Variants in SCN10A observed in about 807,000 individuals in gnomAD.
SCN10A encodes the protein sodium channel protein type 10 subunit alpha.
In SCN10A, 162 loss-of-function variants were observed where a neutral mutation model predicts 170.7. The observed-to-expected ratio is 0.95, with a 90% CI of 0.84 to 1.08. SCN10A has a LOEUF of 1.08. Ranked by LOEUF, SCN10A falls within the 50% of genes least tolerant of loss-of-function variation. SCN10A has a pLI of 0.00. For synonymous variants in SCN10A, 985 were observed against 904.6 expected (o/e 1.09, Z -1.59); for missense variants, 2,527 against 2,436.9 (o/e 1.04, Z -0.78).
intron 24 of SCN10A, 63 bp downstream of exon 24, chr3:38,710,781 G>T (rs2063264956): frequency 2.0e-6 from 3 of 1,495,110 alleles, no homozygotes; most frequent in Non-Finnish European, 2.8e-6. Context: ...CATTTCAAAT[G>T]CAGACTGATA....
At chr3:38,706,503 G>A (rs1171713825) in intron 26 of SCN10A, among the ~76,000 whole-genome samples, 4 of 152,122 alleles carry the variant, frequency 2.6e-5, no homozygotes, top group South Asian at 2.1e-4. Flanking sequence ...CTTTGAAGAC[G>A]ATCAACAATA....
At chr3:38,779,985 G>A (rs1314338156) in intron 4 of SCN10A, among the ~76,000 whole-genome samples, 2 of 151,762 alleles carry the variant, frequency 1.3e-5, no homozygotes, top group South Asian at 4.2e-4. Context: ...TATTGTTAGG[G>A]AAGGTAGTTT....
chr3:38,761,465 T>G, intron 6 of SCN10A, 82 bp from the exon 7 acceptor site: 1 of 1,236,870 alleles, frequency 8.1e-7, no homozygotes, highest in Non-Finnish European at 1.1e-6. Flanking sequence ...CCATCCTCCT[T>G]CATCTCTACA....
chr3:38,761,985 GA>G (rs1267801128), intron 6 of SCN10A, among the ~76,000 whole-genome samples: 1 of 152,152 alleles, frequency 6.6e-6, no homozygotes, highest in Non-Finnish European at 1.5e-5. Context: ...GAGACTATAA[GA>G]AACACTGAGA....
intron 24 of SCN10A, among the ~76,000 whole-genome samples, chr3:38,710,475 G>C (rs1559414696): frequency 6.6e-6 from 1 of 152,104 alleles, no homozygotes; most frequent in Non-Finnish European, 1.5e-5. Context: ...TTTTATGATA[G>C]TTCCTGAGAT....
intron 1 of SCN10A, among the ~76,000 whole-genome samples, chr3:38,794,891 A>T (rs2064328790): frequency 1.3e-5 from 2 of 152,156 alleles, no homozygotes; most frequent in Admixed American, 6.5e-5. Flanking sequence ...TGCCAACTTC[A>T]TACCATCAAA....
At position 38,761,324 on chromosome 3, in the gene SCN10A, T is replaced by C. The variant is rs2063868321; in HGVS notation, c.751A>G (p.Ile251Val). ...HSVKKLADVT[I>V]LTIFCLSVFA... Reference sequence around the variant, plus strand: ...ACACTTAGGCAGAAGATGGTGAGGATGGTCACATCAGCCAGTTTCTTCACT... The same window carrying C: ...ACACTTAGGCAGAAGATGGTGAGGACGGTCACATCAGCCAGTTTCTTCACT... Residue 251 changes from isoleucine (I) to valine (V), a missense_variant, in exon 7 of 28, where the codon ATC (isoleucine) becomes GTC (valine). Physicochemically the swap from Ile to Val is conservative, Grantham distance 29. Coordinates refer to ENST00000449082, the MANE Select transcript of SCN10A (RefSeq NM_006514.4). The C allele has an allele frequency of 3.1e-6, 5 of 1,613,918 alleles. No homozygotes were observed. Among genetic ancestry groups the C allele is most frequent in the Non-Finnish European group, 4.2e-6 (5 of 1,179,864 alleles).
chr3:38,795,044 C>T (rs1188732758), intron 1 of SCN10A, among the ~76,000 whole-genome samples: 1 of 152,056 alleles, frequency 6.6e-6, no homozygotes, highest in African/African-American at 2.4e-5. Context: ...TTTCTCTCTC[C>T]TTGTCTGCCA....
At chr3:38,792,253 A>G in intron 2 of SCN10A, 85 bp from the exon 3 acceptor site, 2 of 1,530,800 alleles carry the variant, frequency 1.3e-6, no homozygotes, top group Non-Finnish European at 1.8e-6. Flanking sequence ...GAGAGGCATT[A>G]TCTCAGGCTT....
At chr3:38,743,510 C>T (rs1014588466) in intron 13 of SCN10A, among the ~76,000 whole-genome samples, 24 of 152,232 alleles carry the variant, frequency 1.6e-4, no homozygotes, top group African/African-American at 3.4e-4. Flanking sequence ...TAACCTTCTA[C>T]AGCTCCTTAC....
intron 3 of SCN10A, among the ~76,000 whole-genome samples, chr3:38,791,415 A>G (rs541806054): frequency 3.2e-4 from 49 of 152,202 alleles, no homozygotes; most frequent in Non-Finnish European, 6.6e-4. Context: ...ATGTGTCTCT[A>G]ATCATTACAG....
Position 38,718,660 on chromosome 3 carries a change from A to C in SCN10A, c.3674T>G (p.Ile1225Ser). 6.2e-7 allele frequency: 1 copy of C among 1,613,998 alleles called. No homozygotes were observed. Among genetic ancestry groups the C allele is most frequent in the East Asian group, 2.2e-5 (1 of 44,900 alleles). ...TNAWCWLDFL[I>S]VNISLISLTA... ...TCCCACTGAGCCACTCACATTCACA[A>C]TGAGGAAGTCCAGCCAGCACCAGGC... Residue 1225 changes from isoleucine to serine, a missense_variant, in exon 21 of 28, where the codon ATT becomes AGT. Physicochemically the swap from Ile to Ser is moderately radical, Grantham distance 142. Transcript: ENST00000449082.
At chr3:38,792,398 AC>A (rs1575182874) in intron 2 of SCN10A, among the ~76,000 whole-genome samples, 1 of 152,318 alleles carries the variant, frequency 6.6e-6, no homozygotes, top group East Asian at 1.9e-4. Flanking sequence ...CTGACAGTGC[AC>A]CAAGATGAGC....
chr3:38,792,034 A>G lies in SCN10A; in HGVS notation c.389+16T>C, dbSNP rs1486421957. 6.2e-7 allele frequency: 1 copy of G among 1,612,818 alleles called. No individual in the cohort carries two copies. Among genetic ancestry groups the G allele is most frequent in the South Asian group, 1.1e-5 (1 of 90,894 alleles). On this transcript the variant is annotated intron_variant, in intron 3 of 27. Transcript: ENST00000449082. Reference sequence around the variant, plus strand: ...CTAATTGTAACACGTGGAAGAGGCAATCGTGCAAAGGATATGAGTGGACAG... The same window carrying G: ...CTAATTGTAACACGTGGAAGAGGCAGTCGTGCAAAGGATATGAGTGGACAG...
chr3:38,790,960 A>C (rs1175864929), intron 3 of SCN10A, among the ~76,000 whole-genome samples: 1 of 152,198 alleles, frequency 6.6e-6, no homozygotes, highest in Non-Finnish European at 1.5e-5. Flanking sequence ...AAAAATGTAA[A>C]AAGAGAAAAC....
At chr3:38,723,607 A>G in intron 18 of SCN10A, 54 bp from the exon 19 acceptor site, 1 of 1,544,870 alleles carries the variant, frequency 6.5e-7, no homozygotes. Flanking sequence ...GGCCCGGGGA[A>G]TTGCACACGG....
intron 1 of SCN10A, among the ~76,000 whole-genome samples, chr3:38,800,991 G>A (rs537358615): frequency 3.3e-5 from 5 of 152,228 alleles, no homozygotes; most frequent in African/African-American, 1.2e-4. Context: ...GCTATGGTTG[G>A]TCTTTGATTA....
At position 38,698,336 on chromosome 3, in the gene SCN10A, G is replaced by T. The variant is rs775363269; in HGVS notation, c.4884C>A (p.Ser1628Arg). The T allele has an allele frequency of 3.1e-5, 50 of 1,613,908 alleles. No homozygotes were observed. The highest frequency in any genetic ancestry group is 4.0e-5 in the Non-Finnish European group (47 of 1,179,900). ...MFIYSIFGMSSFPHVRWEAGI... is the reference protein window; with the variant it reads ...MFIYSIFGMSRFPHVRWEAGI... Reference sequence around the variant, plus strand: ...CAGCCTCCCACCTCACATGGGGAAAGCTGGACATACCGAAGATAGAGTAGA... The same window carrying T: ...CAGCCTCCCACCTCACATGGGGAAATCTGGACATACCGAAGATAGAGTAGA... The change falls in exon 28 of 28, where the codon AGC becomes AGA. Residue 1628 changes from serine (S) to arginine (R), a missense_variant. Coordinates refer to ENST00000449082, the MANE Select transcript of SCN10A (RefSeq NM_006514.4).
intron 13 of SCN10A, among the ~76,000 whole-genome samples, chr3:38,747,361 T>C (rs891824587): frequency 6.6e-6 from 1 of 152,232 alleles, no homozygotes; most frequent in African/African-American, 2.4e-5. Flanking sequence ...GAGGTCAGGC[T>C]GTGAGCAAAA....
Sources: gnomAD v4.1 joint callset for allele counts (sites outside exome capture counted in the v4.1 genomes callset) on GRCh38, gnomAD v4.1.1 for gene constraint, MANE v1.5 for transcripts, NCBI Gene and HGNC (gene_info 2026-07-23, HGNC 2026-07-21) for gene names.